Variants in LIMA1 observed in about 807,000 individuals in gnomAD.
LIMA1 encodes the protein LIM domain and actin binding 1, also known as LIM domain and actin-binding protein 1.
A neutral mutation model predicts 62.6 loss-of-function variants in LIMA1; 52 were observed. That is an observed-to-expected ratio of 0.83 (90% CI 0.67 to 1.05). The LOEUF is 1.05. Among genes scored for constraint, LIMA1 ranks in the 50% least tolerant of loss-of-function variants. LIMA1 has a pLI of 0.00. For synonymous variants in LIMA1, 302 were observed against 317.8 expected (o/e 0.95, Z 0.53); for missense variants, 780 against 902.2 (o/e 0.86, Z 1.74).
chr12:50,188,338 G>A (rs1940677003), intron 9 of LIMA1: 1 of 152,150 alleles, frequency 6.6e-6, no homozygotes, highest in Admixed American at 6.6e-5. Flanking sequence ...CTGCCAGCAG[G>A]TCTTCCTATA....
intron 1 of LIMA1, among the ~76,000 whole-genome samples, chr12:50,271,431 C>T (rs1942210676): frequency 6.6e-6 from 1 of 151,932 alleles, no homozygotes; most frequent in Non-Finnish European, 1.5e-5. Flanking sequence ...TTGTTATTTG[C>T]TCATTTGGTT....
chr12:50,262,425 T>C (rs755276063), intron 1 of LIMA1, among the ~76,000 whole-genome samples: 7 of 152,006 alleles, frequency 4.6e-5, no homozygotes, highest in Non-Finnish European at 7.4e-5. Flanking sequence ...AAGAAGAACG[T>C]TGAAGCAACT....
In LIMA1 at chr12:50,248,652, T is replaced by C. The variant is rs769954023; in HGVS notation, c.100A>G (p.Ile34Val). 2 of 1,610,722 alleles carry C rather than the reference T, an allele frequency of 1.2e-6. No homozygotes were observed. Among genetic ancestry groups the C allele is most frequent in the East Asian group, 2.2e-5 (1 of 44,874 alleles). The change falls in exon 2 of 11, where the codon ATT (isoleucine) becomes GTT (valine). Residue 34 changes from isoleucine (I) to valine (V), a missense_variant. Transcript: ENST00000341247. The stretch of plus-strand genomic sequence containing the variant: ...ACTTACTTGGAGAATATTTCCACAA[T>C]AGCCGATGACTTGTTCTTGTTGACA... ...SLVNKNKSSA[I>V]VEIFSKYQKA...
At chr12:50,184,867 T>C (rs528457568) in intron 9 of LIMA1, among the ~76,000 whole-genome samples, 1 of 152,290 alleles carries the variant, frequency 6.6e-6, no homozygotes, top group East Asian at 1.9e-4. Flanking sequence ...AGTCTCACTC[T>C]GTCACCCAGA....
intron 2 of LIMA1, among the ~76,000 whole-genome samples, chr12:50,247,604 AATTATTATTATTATT>A (rs111550387): frequency 2.6e-4 from 36 of 140,612 alleles, no homozygotes; most frequent in African/African-American, 9.0e-4. Context: ...TAAATGCTGG[AATTATTATTATTATT>A]ATTATTATTA....
chr12:50,236,848 C>T (rs908692876), intron 2 of LIMA1, among the ~76,000 whole-genome samples: 4 of 151,914 alleles, frequency 2.6e-5, no homozygotes, highest in African/African-American at 9.7e-5. Flanking sequence ...GAAGTGGAGG[C>T]GATAGGATTG....
In LIMA1 at chr12:50,193,652, A is replaced by G. The variant is rs953640497; in HGVS notation, c.1031-1091T>C. ...TATACGTGTGTGTGTGTGTGTGTGT[A>G]TATATATATATATATTTTTTTTTTT... On this transcript the variant is annotated intron_variant, in intron 8 of 10. Coordinates refer to ENST00000341247, the MANE Select transcript of LIMA1 (RefSeq NM_016357.5). 9.5e-3 allele frequency among the ~76,000 whole-genome samples: 497 copies of G among 52,518 alleles called. 4 individuals are homozygous for G. Among genetic ancestry groups the G allele is most frequent in the African/African-American group, 0.026 (312 of 11,932 alleles). 34.5% of individuals were successfully genotyped at this position (52,518 alleles called of 152,430 possible).
At chr12:50,211,183 C>T (rs1237499593) in intron 4 of LIMA1, among the ~76,000 whole-genome samples, 1 of 151,858 alleles carries the variant, frequency 6.6e-6, no homozygotes, top group Non-Finnish European at 1.5e-5. Flanking sequence ...ATTAGCCAGG[C>T]ATGGTGGTGG....
chr12:50,193,547 ATATATAT>A (rs1940838026), intron 8 of LIMA1, among the ~76,000 whole-genome samples: 3 of 132,542 alleles, frequency 2.3e-5, no homozygotes, highest in African/African-American at 3.2e-5. Context: ...ATATATATAC[ATATATAT>A]CATATATGTA....
At chr12:50,272,284 C>T (rs951533012) in intron 1 of LIMA1, among the ~76,000 whole-genome samples, 3 of 151,758 alleles carry the variant, frequency 2.0e-5, no homozygotes, top group African/African-American at 4.8e-5. Flanking sequence ...TTCTTTAATC[C>T]TTCCTTTCTT....
chr12:50,228,600 C>T (rs1479582962), intron 3 of LIMA1, among the ~76,000 whole-genome samples: 2 of 152,202 alleles, frequency 1.3e-5, no homozygotes, highest in Non-Finnish European at 2.9e-5. Context: ...CACTTCCTAG[C>T]TTATATCATG....
chr12:50,229,599 C>T (rs1008345105), intron 3 of LIMA1, among the ~76,000 whole-genome samples: 6 of 151,872 alleles, frequency 4.0e-5, no homozygotes, highest in African/African-American at 7.3e-5. Context: ...ATGTAAATGA[C>T]GAGTTAATGG....
At chr12:50,224,511 TCGTGCCA>T (rs1053387949) in intron 3 of LIMA1, 4 of 152,208 alleles carry the variant, frequency 2.6e-5, no homozygotes, top group African/African-American at 9.7e-5. Context: ...CTGTAAGGTC[TCGTGCCA>T]CACAATGGAT....
intron 8 of LIMA1, among the ~76,000 whole-genome samples, chr12:50,193,005 C>T (rs3073623): frequency 0.24 from 10,461 of 43,694 alleles, 790 homozygotes; most frequent in African/African-American, 0.5. Context: ...TGTGTGTGTG[C>T]GCGCGTGCGC....
At chr12:50,267,252 T>C (rs928655758) in intron 1 of LIMA1, among the ~76,000 whole-genome samples, 2 of 152,086 alleles carry the variant, frequency 1.3e-5, no homozygotes, top group Non-Finnish European at 2.9e-5. Context: ...TATGTATTTT[T>C]AGTAGAGATG....
rs575089338 is a variant in LIMA1 at position 50,200,910 on chromosome 12, A to T, written c.865-26T>A. On this transcript the variant is annotated intron_variant, in intron 6 of 10. Transcript: ENST00000341247. ...CTACAAAATAAAAATAACTGTAAAA[A>T]TTTTTTTAAAGTCCCATCATTCTGT... The T allele has an allele frequency of 2.6e-3, 4,107 of 1,608,810 alleles. 8 individuals carry two copies. The highest frequency in any genetic ancestry group is 3.3e-3 in the Non-Finnish European group (3,876 of 1,178,746).
intron 1 of LIMA1, among the ~76,000 whole-genome samples, chr12:50,256,551 C>A (rs1941999691): frequency 6.6e-6 from 1 of 152,226 alleles, no homozygotes; most frequent in African/African-American, 2.4e-5. Context: ...GTTTCAGGAT[C>A]ATACACTGCA....
intron 2 of LIMA1, among the ~76,000 whole-genome samples, chr12:50,235,611 A>T (rs1229708269): frequency 1.3e-5 from 2 of 152,092 alleles, no homozygotes; most frequent in South Asian, 4.1e-4. Context: ...ATTAACAAGC[A>T]TCTCAGTCGC....
chr12:50,282,411 A>G (rs1942351070), intron 1 of LIMA1, among the ~76,000 whole-genome samples: 1 of 152,260 alleles, frequency 6.6e-6, no homozygotes, highest in Non-Finnish European at 1.5e-5. Flanking sequence ...CAAAATGGGC[A>G]TTGCCTTAAA....
Sources: gnomAD v4.1 joint callset for allele counts (sites outside exome capture counted in the v4.1 genomes callset) on GRCh38, gnomAD v4.1.1 for gene constraint, MANE v1.5 for transcripts, NCBI Gene and HGNC (gene_info 2026-07-23, HGNC 2026-07-21) for gene names.